The following NAALADL2 variants were observed in gnomAD, a reference collection of about 807,000 sequenced individuals.
NAALADL2 encodes inactive N-acetylated-alpha-linked acidic dipeptidase-like protein 2.
NAALADL2 carries 76 observed loss-of-function variants against 87.2 expected under a neutral mutation model. The observed-to-expected ratio is 0.87, with a 90% CI of 0.72 to 1.05. The LOEUF (loss-of-function observed/expected upper bound fraction) is 1.05, where lower values mean the gene tolerates loss of function less well. Ranked by LOEUF, NAALADL2 falls within the 50% of genes least tolerant of loss-of-function variation. NAALADL2 has a pLI of 0.00. For missense variants in NAALADL2, 1,089 were observed against 945.8 expected, an observed-to-expected ratio of 1.15 and a Z score of -1.99; for synonymous variants, 354 against 331.0, an observed-to-expected ratio of 1.07 and a Z score of -0.75.
intron 1 of NAALADL2, among the ~76,000 whole-genome samples, chr3:174,537,801 A>T (rs2108457107): frequency 6.6e-6 from 1 of 152,188 alleles, no homozygotes; most frequent in East Asian, 1.9e-4. Context: ...GTGGCAGTTA[A>T]ACTGGAAAGA....
chr3:174,461,713 G>A (rs1396106384), intron 1 of NAALADL2, among the ~76,000 whole-genome samples: 1 of 151,920 alleles, frequency 6.6e-6, no homozygotes, highest in Non-Finnish European at 1.5e-5. Flanking sequence ...CATTAACCAA[G>A]GTCTGCACTT....
At chr3:174,471,734 T>C (rs1302445489) in intron 1 of NAALADL2, among the ~76,000 whole-genome samples, 1 of 152,122 alleles carries the variant, frequency 6.6e-6, no homozygotes, top group Admixed American at 6.5e-5. Context: ...TCCTCATCTT[T>C]AAAATTCCAA....
chr3:175,536,320 A>T (rs915643453), intron 9 of NAALADL2, among the ~76,000 whole-genome samples: 1 of 152,190 alleles, frequency 6.6e-6, no homozygotes, highest in African/African-American at 2.4e-5. Flanking sequence ...TAAATTTGGT[A>T]GTTGCCATTT....
At chr3:175,325,199 C>G (rs1254462587) in intron 5 of NAALADL2, among the ~76,000 whole-genome samples, 1 of 152,090 alleles carries the variant, frequency 6.6e-6, no homozygotes, top group Non-Finnish European at 1.5e-5. Context: ...GGTTATCTTA[C>G]TCAAATCCAG....
intron 3 of NAALADL2, among the ~76,000 whole-genome samples, chr3:174,746,215 A>G (rs1426816962): frequency 6.6e-6 from 1 of 152,222 alleles, no homozygotes; most frequent in Non-Finnish European, 1.5e-5. Context: ...TTAAGCTGAT[A>G]AGCAACTGCA....
At chr3:175,688,636 C>G (rs1305775947) in intron 11 of NAALADL2, among the ~76,000 whole-genome samples, 1 of 152,010 alleles carries the variant, frequency 6.6e-6, no homozygotes, top group Non-Finnish European at 1.5e-5. Context: ...TGAGGGAGCC[C>G]CCAAACAAAA....
chr3:174,683,994 C>T (rs964393604), intron 2 of NAALADL2, among the ~76,000 whole-genome samples: 4 of 151,752 alleles, frequency 2.6e-5, no homozygotes, highest in Non-Finnish European at 2.9e-5. Flanking sequence ...GTTTTCTATG[C>T]ATCACATTTA....
At chr3:174,951,077 T>C (rs1281970250) in intron 1 of NAALADL2, among the ~76,000 whole-genome samples, 2 of 152,092 alleles carry the variant, frequency 1.3e-5, no homozygotes, top group African/African-American at 2.4e-5. Context: ...AGAAAAATAA[T>C]TTTACATAAA....
At chr3:175,272,832 T>C (rs780988072) in intron 4 of NAALADL2, among the ~76,000 whole-genome samples, 3 of 152,008 alleles carry the variant, frequency 2.0e-5, no homozygotes, top group Non-Finnish European at 4.4e-5. Context: ...TGACTTAAGG[T>C]AAGGAACCTG....
At chr3:174,621,029 T>A (rs1369569553) in intron 2 of NAALADL2, among the ~76,000 whole-genome samples, 2 of 152,022 alleles carry the variant, frequency 1.3e-5, no homozygotes, top group African/African-American at 4.8e-5. Flanking sequence ...CGTATTATGC[T>A]GTCACCTTAA....
At chr3:175,736,115 C>A (rs569785161) in intron 11 of NAALADL2, among the ~76,000 whole-genome samples, 20 of 152,256 alleles carry the variant, frequency 1.3e-4, no homozygotes, top group African/African-American at 4.6e-4. Flanking sequence ...TTGCTGCCAG[C>A]CCTAAGGTCC....
At chr3:175,488,993 G>T (rs1233684104) in intron 9 of NAALADL2, among the ~76,000 whole-genome samples, 1 of 152,084 alleles carries the variant, frequency 6.6e-6, no homozygotes, top group African/African-American at 2.4e-5. Context: ...AGTTGCTGGG[G>T]CTTAACAGAC....
chr3:174,843,781 G>C (rs373022464), intron 3 of NAALADL2, among the ~76,000 whole-genome samples: 1 of 151,954 alleles, frequency 6.6e-6, no homozygotes, highest in Admixed American at 6.6e-5. Context: ...GATGAATAGC[G>C]ATGTTGAGTT....
intron 3 of NAALADL2, among the ~76,000 whole-genome samples, chr3:174,840,019 A>G (rs1428006768): frequency 1.3e-5 from 2 of 151,996 alleles, no homozygotes; most frequent in Admixed American, 6.6e-5. Flanking sequence ...CCAGAGGAAA[A>G]TAAGTCATTA....
At position 174,718,051 on chromosome 3, in the gene NAALADL2, C is replaced by T. The variant is rs148040859; in HGVS notation, c.-114-19590C>T. ...GGCTGAAGCAGAAGAATCGCTTGAA[C>T]TGGGGAGGTGGAGGTTGCAGTGAGC... is the stretch of plus-strand genomic sequence containing the variant. On this transcript the variant is annotated intron_variant, in intron 2 of 3. Transcript: ENST00000434257. 6.2e-3 allele frequency among the ~76,000 whole-genome samples: 939 copies of T among 152,194 alleles called. 6 individuals are homozygous for T. Among genetic ancestry groups the T allele is most frequent in the African/African-American group, 0.021 (890 of 41,530 alleles).
Position 175,181,718 on chromosome 3 carries a change from T to TGTGTGTGTGTGTGTATGC in NAALADL2, c.546-52213_546-52212insGTGTGTGTGTGTGTATGC, listed in dbSNP as rs1553802465. Among the ~76,000 whole-genome samples, 343 of 72,384 alleles carry TGTGTGTGTGTGTGTATGC rather than the reference T, an allele frequency of 4.7e-3. 9 individuals carry two copies. The highest frequency in any genetic ancestry group is 0.014 in the African/African-American group (306 of 21,732). The allele number at this position is 72,384 out of a possible 152,430, so 47.5% of individuals were successfully genotyped here. ...ATATATATATATGTGTGTGTGTGTGTATATATATGTATATATGTGTATATA... is the reference window on the plus strand; with the variant it reads ...ATATATATATATGTGTGTGTGTGTGTGTGTGTGTGTGTGTATGCATATATATGTATATATGTGTATATA... On this transcript the variant is annotated intron_variant, in intron 2 of 13. Transcript: ENST00000454872.
chr3:175,651,303 A>G (rs1039167295), intron 11 of NAALADL2, among the ~76,000 whole-genome samples: 10 of 152,264 alleles, frequency 6.6e-5, no homozygotes, highest in Admixed American at 4.6e-4. Context: ...TTTCAAGGGT[A>G]TTATAAGAAG....
chr3:174,583,394 G>A (rs528507609), intron 2 of NAALADL2, among the ~76,000 whole-genome samples: 1 of 152,298 alleles, frequency 6.6e-6, no homozygotes, highest in South Asian at 2.1e-4. Flanking sequence ...GAAGAAGGAA[G>A]CAAGATATTT....
intron 2 of NAALADL2, among the ~76,000 whole-genome samples, chr3:174,649,957 G>A (rs989047858): frequency 6.6e-6 from 1 of 152,076 alleles, no homozygotes; most frequent in Admixed American, 6.5e-5. Context: ...TTGAGAAGTA[G>A]ATGTATTAGA....
Sources: gnomAD v4.1 joint callset for allele counts (sites outside exome capture counted in the v4.1 genomes callset) on GRCh38, gnomAD v4.1.1 for gene constraint, MANE v1.5 for transcripts, NCBI Gene and HGNC (gene_info 2026-07-23, HGNC 2026-07-21) for gene names.